The following ARMH3 variants were observed in gnomAD, a reference collection of about 807,000 sequenced individuals.
The protein encoded by ARMH3 is armadillo like helical domain containing 3.
A neutral mutation model predicts 99.1 loss-of-function variants in ARMH3; 60 were observed. The observed-to-expected ratio is 0.61, with a 90% CI of 0.49 to 0.75. The LOEUF (loss-of-function observed/expected upper bound fraction) is 0.75, where lower values mean the gene tolerates loss of function less well. Ranked by LOEUF, ARMH3 falls within the 30% of genes least tolerant of loss-of-function variation. The pLI is 0.00. For synonymous variants in ARMH3, 285 were observed against 292.8 expected, an observed-to-expected ratio of 0.97 and a Z score of 0.27; for missense variants, 679 against 843.1, an observed-to-expected ratio of 0.81 and a Z score of 2.41.
intron 2 of ARMH3, among the ~76,000 whole-genome samples, chr10:102,035,816 C>T (rs1381216052): frequency 6.6e-6 from 1 of 152,256 alleles, no homozygotes; most frequent in Non-Finnish European, 1.5e-5. Context: ...AGCCTCTGCC[C>T]GGCCGCCACC....
chr10:101,997,590 CAA>C (rs59674976), intron 15 of ARMH3, among the ~76,000 whole-genome samples: 10 of 112,834 alleles, frequency 8.9e-5, no homozygotes, highest in Non-Finnish European at 1.1e-4. Context: ...GACTCCGTCT[CAA>C]AAAAAAAAAA....
intron 23 of ARMH3, among the ~76,000 whole-genome samples, chr10:101,892,450 C>A (rs1564727077): frequency 2.0e-5 from 3 of 152,070 alleles, no homozygotes; most frequent in Non-Finnish European, 1.5e-5. Flanking sequence ...TATAACGAGA[C>A]CTTCTCTCAA....
In ARMH3 at chr10:101,944,532, G is replaced by A. The variant is rs1000366448; in HGVS notation, c.1706-4594C>T. On this transcript the variant is annotated intron_variant, in intron 22 of 25. Transcript: ENST00000370033. ...AGAGAAAATATTAAAAGCATTCAGA[G>A]GCCAGGCATGGTTACTCACGCTTGT... Among the ~76,000 whole-genome samples the A allele has an allele frequency of 2.6e-5, 4 of 151,974 alleles. No homozygotes were observed. The East Asian group carries it at 7.7e-4, about 29-fold the overall frequency.
At chr10:102,040,198 T>C (rs1433896302) in intron 1 of ARMH3, 73 bp from the exon 2 acceptor site, 42 of 1,271,254 alleles carry the variant, frequency 3.3e-5, no homozygotes, top group Non-Finnish European at 4.8e-5. Flanking sequence ...ATATATGTCA[T>C]ACATTTGTCC....
At chr10:101,875,036 C>T (rs1158940247) in intron 24 of ARMH3, among the ~76,000 whole-genome samples, 1 of 152,114 alleles carries the variant, frequency 6.6e-6, no homozygotes, top group Admixed American at 6.6e-5. Context: ...CTTGGCACAG[C>T]GTACATACTT....
chr10:101,973,154 T>A (rs574166998), intron 20 of ARMH3, among the ~76,000 whole-genome samples: 1 of 150,852 alleles, frequency 6.6e-6, no homozygotes, highest in Non-Finnish European at 1.5e-5. Flanking sequence ...AGGTCAGGAG[T>A]TCGAGACCAT....
chr10:102,009,447 G>A lies in ARMH3; in HGVS notation c.881C>T (p.Thr294Ile), dbSNP rs989993458. ...ADAHEKISVQ[T>I]NEAILLALYE... ...AAGTGCCAGAAGAATGGCCTCATTG[G>A]TTCTAAAGAAAAAGAGAACAAATTG... Residue 294 changes from threonine (T) to isoleucine (I), a missense_variant and splice_region_variant, in exon 13 of 26, where the codon ACC becomes ATC. Around this residue, in one of 3 missense-constraint regions of ARMH3, gnomAD observed 280 missense variants for 354.6 expected, o/e 0.79. Transcript: ENST00000370033. The A allele has an allele frequency of 2.5e-6, 4 of 1,613,136 alleles. No individual in the cohort carries two copies. The African/African-American group carries it at 4.0e-5, about 16-fold the overall frequency.
At chr10:101,869,173 G>T (rs534858920) in intron 24 of ARMH3, among the ~76,000 whole-genome samples, 6 of 152,218 alleles carry the variant, frequency 3.9e-5, no homozygotes, top group Non-Finnish European at 7.4e-5. Context: ...TGCACAGGGG[G>T]CCAGTGCCTC....
At chr10:101,912,337 G>A (rs566422753) in intron 23 of ARMH3, among the ~76,000 whole-genome samples, 7 of 144,280 alleles carry the variant, frequency 4.9e-5, no homozygotes, top group Non-Finnish European at 9.0e-5. Context: ...AGGTTGCAGT[G>A]AGCCGAGATC....
intron 23 of ARMH3, among the ~76,000 whole-genome samples, chr10:101,899,173 C>T (rs2067914106): frequency 1.3e-5 from 2 of 152,188 alleles, no homozygotes; most frequent in African/African-American, 2.4e-5. Flanking sequence ...CTCTGTTTTC[C>T]TGTATACCAT....
chr10:101,924,859 T>C (rs1212249038), intron 23 of ARMH3, among the ~76,000 whole-genome samples: 1 of 151,928 alleles, frequency 6.6e-6, no homozygotes, highest in Non-Finnish European at 1.5e-5. Context: ...CTGGGTGTGG[T>C]GGCACGCACA....
chr10:101,867,474 CA>C (rs1391871103), intron 24 of ARMH3, among the ~76,000 whole-genome samples: 1 of 152,064 alleles, frequency 6.6e-6, no homozygotes, highest in African/African-American at 2.4e-5. Flanking sequence ...GGAGAAAACC[CA>C]ATTGGAGAGA....
chr10:101,869,802 G>A (rs966026869), intron 24 of ARMH3, among the ~76,000 whole-genome samples: 1 of 152,200 alleles, frequency 6.6e-6, no homozygotes, highest in Non-Finnish European at 1.5e-5. Context: ...AGAGGCTGAG[G>A]GGGGTGGATC....
intron 1 of ARMH3, among the ~76,000 whole-genome samples, chr10:102,052,139 C>G (rs1408139089): frequency 2.0e-5 from 3 of 152,054 alleles, no homozygotes; most frequent in African/African-American, 7.2e-5. Context: ...CATTTCTTCC[C>G]CTGCTCAATT....
In ARMH3 at chr10:101,993,672, C is replaced by T. The variant is rs557809245; in HGVS notation, c.1210-69G>A. 6.0e-5 allele frequency: 64 copies of T among 1,072,106 alleles called. 1 individual carries two copies. The South Asian group carries it at 8.4e-4, about 14-fold the overall frequency. The allele number at this position is 1,072,106 out of a possible 1,614,324, so 66.4% of individuals were successfully genotyped here. On this transcript the variant is annotated intron_variant, in intron 16 of 25. Coordinates refer to ENST00000370033, the MANE Select transcript of ARMH3 (RefSeq NM_024541.3). The stretch of plus-strand genomic sequence containing the variant: ...TAAGAAACTGTAATCTATCACACTT[C>T]GTACAAATCCTTGGACTTTGAGAAC...
At chr10:101,990,232 G>A (rs1010263675) in intron 19 of ARMH3, among the ~76,000 whole-genome samples, 8 of 146,784 alleles carry the variant, frequency 5.5e-5, no homozygotes, top group South Asian at 2.1e-4. Flanking sequence ...CGCCCAGGCT[G>A]GAGTGCAGTG....
At position 101,884,077 on chromosome 10, in the gene ARMH3, G is replaced by C. The variant is rs117086364; in HGVS notation, c.1860+5335C>G. On this transcript the variant is annotated intron_variant, in intron 24 of 25. Transcript: ENST00000370033. ...CTAGCGAGGGACAAGCTGAAGACCA[G>C]AATTTCGGAAGGCTTACAAGGGTGA... Among the ~76,000 whole-genome samples, 28 of 152,006 alleles carry C rather than the reference G, an allele frequency of 1.8e-4. No homozygotes were observed. The East Asian group carries it at 5.1e-3, about 27-fold the overall frequency.
chr10:102,011,858 C>G, intron 10 of ARMH3, 75 bp from the exon 11 acceptor site: 2 of 1,181,442 alleles, frequency 1.7e-6, no homozygotes, highest in Non-Finnish European at 2.4e-6. Flanking sequence ...TTGGGGTAAT[C>G]AGGGCAGAGC....
At chr10:101,915,991 A>C (rs1004375457) in intron 23 of ARMH3, among the ~76,000 whole-genome samples, 9 of 151,908 alleles carry the variant, frequency 5.9e-5, no homozygotes, top group African/African-American at 2.2e-4. Context: ...TTTTTAGTAG[A>C]GACGGGGTTT....
Sources: gnomAD v4.1 joint callset for allele counts (sites outside exome capture counted in the v4.1 genomes callset) on GRCh38, gnomAD v4.1.1 for gene constraint, gnomAD v4.1.1 regional missense constraint, MANE v1.5 for transcripts, NCBI Gene and HGNC (gene_info 2026-07-23, HGNC 2026-07-21) for gene names.